The following MRI1 variants were observed in gnomAD, a reference collection of about 807,000 sequenced individuals.
MRI1 encodes methylthioribose-1-phosphate isomerase.
MRI1 carries 32 observed loss-of-function variants against 27.3 expected under a neutral mutation model. The observed-to-expected ratio is 1.17, with a 90% CI of 0.88 to 1.57. The LOEUF is 1.57. Ranked by LOEUF, MRI1 falls within the 40% of genes most tolerant of loss-of-function variation. The probability of loss-of-function intolerance (pLI) is 0.00; values close to 1 mark genes in which losing one functional copy is unlikely to be tolerated. For synonymous variants in MRI1, 216 were observed against 227.4 expected (o/e 0.95, Z 0.45); for missense variants, 508 against 516.1 (o/e 0.98, Z 0.15).
chr19:13,768,209 AC>A, intron 3 of MRI1: 1 of 664,906 alleles, frequency 1.5e-6, no homozygotes, highest in Non-Finnish European at 2.7e-6. Context: ...TGGATGGAGA[AC>A]CCATAGAAAA....
In MRI1 at chr19:13,765,005, C is replaced by T; in HGVS notation, c.267C>T (p.Ala89=). The T allele has an allele frequency of 6.6e-7, 1 of 1,523,792 alleles. No individual in the cohort carries two copies. The highest frequency in any genetic ancestry group is 8.8e-7 in the Non-Finnish European group (1 of 1,141,164). The allele number at this position is 1,523,792 out of a possible 1,614,324, so 94.4% of individuals were successfully genotyped here. Residue 89 remains alanine (A), a synonymous_variant, in exon 2 of 6, where the codon GCC becomes GCT. Coordinates refer to ENST00000040663, the MANE Select transcript of MRI1 (RefSeq NM_001031727.4). ...ACAAGCTGAGCTTCCTCGTCACCGC[C>T]CGGCCCACCGCTGTCAACATGGCCC... The part of the protein sequence containing the change: ...VRDKLSFLVT[A]RPTAVNMARA...
At chr19:13,767,929 C>T (rs183597672) in intron 3 of MRI1, among the ~76,000 whole-genome samples, 3 of 132,442 alleles carry the variant, frequency 2.3e-5, no homozygotes, top group Admixed American at 9.3e-5. Context: ...AGTGCAGTGG[C>T]GCAGTCTCGG....
At chr19:13,771,319 ATCATGTCACTGCAC>A (rs201137996) in intron 5 of MRI1, among the ~76,000 whole-genome samples, 1,922 of 151,910 alleles carry the variant, frequency 0.013, 24 homozygotes, top group Middle Eastern at 0.051. Context: ...GTGAGTTGAG[ATCATGTCACTGCAC>A]TCCAGCCTAG....
intron 3 of MRI1, among the ~76,000 whole-genome samples, chr19:13,766,415 C>T (rs1197029989): frequency 1.3e-5 from 2 of 152,114 alleles, no homozygotes; most frequent in Non-Finnish European, 2.9e-5. Flanking sequence ...GGAAAAGAGC[C>T]TCCTATACTA....
chr19:13,765,917 C>G lies in MRI1; in HGVS notation c.372-37C>G, dbSNP rs1474788485. The G allele has an allele frequency of 2.6e-6, 4 of 1,552,804 alleles. No individual in the cohort carries two copies. In the Admixed American group the frequency reaches 5.7e-5, roughly 22 times the overall value. On this transcript the variant is annotated intron_variant, in intron 2 of 5. Coordinates refer to ENST00000040663, the MANE Select transcript of MRI1 (RefSeq NM_001031727.4). ...GGAGGCGTTGGCCTGGGCCCCGGGT[C>G]CTGGTGGCTGGTGCTGAAAACTCCT...
chr19:13,772,385 T>C lies in MRI1; in HGVS notation c.*104T>C. On this transcript the variant is annotated 3_prime_UTR_variant, in exon 6 of 6. Transcript: ENST00000040663. ...AGCCCCTGACCACACTTGTTCCTAG[T>C]GCAGGGAGCTCAGACAGGGCCTTCC... 1 of 1,157,914 alleles carries C rather than the reference T, an allele frequency of 8.6e-7. No individual in the cohort carries two copies. The highest frequency in any genetic ancestry group is 2.7e-5 in the Admixed American group (1 of 37,072). The allele number at this position is 1,157,914 out of a possible 1,614,324, so 71.7% of individuals were successfully genotyped here. A position where few individuals can be genotyped will look rare whatever the true frequency, so the allele number is the denominator to read the frequency against.
chr19:13,770,622 G>A (rs1451846351), intron 5 of MRI1, among the ~76,000 whole-genome samples: 2 of 151,934 alleles, frequency 1.3e-5, no homozygotes, highest in Admixed American at 1.3e-4. Context: ...TGTGGCTCAC[G>A]CCTGTAATCC....
chr19:13,768,686 C>G lies in MRI1; in HGVS notation c.673C>G (p.Leu225Val), dbSNP rs1191403804. 3 of 1,614,016 alleles carry G rather than the reference C, an allele frequency of 1.9e-6. No individual in the cohort carries two copies. The highest frequency in any genetic ancestry group is 3.3e-4 in the Middle Eastern group (2 of 6,062). Residue 225 changes from leucine (L) to valine (V), a missense_variant, in exon 4 of 6, where the codon CTT becomes GTT. Physicochemically the swap from Leu to Val is conservative, Grantham distance 32 (BLOSUM62 1). Transcript: ENST00000040663. The stretch of plus-strand genomic sequence containing the variant: ...GGTCTATGAGCAGATCCCCGCCACC[C>G]TTATCACCGACAGCATGGTGGCTGC... ...ELVYEQIPATLITDSMVAAAM... is the reference protein window; with the variant it reads ...ELVYEQIPATVITDSMVAAAM...
chr19:13,773,294 C>T lies in MRI1; in HGVS notation c.*1013C>T. On this transcript the variant is annotated 3_prime_UTR_variant, in exon 6 of 6. Coordinates refer to ENST00000040663, the MANE Select transcript of MRI1 (RefSeq NM_001031727.4). ...AAGTGCTGGGACTACAGGCATGAGC[C>T]ACTGTGCCTGACCTTACAGCAGTAT... 6.6e-6 allele frequency: 1 copy of T among 152,070 alleles called. No individual in the cohort carries two copies. The highest frequency in any genetic ancestry group is 1.9e-4 in the East Asian group (1 of 5,164). The allele number at this position is 152,070 out of a possible 1,614,324, so 9.4% of individuals were successfully genotyped here.
In MRI1 at chr19:13,764,619, G is replaced by A. The variant is rs760434055; in HGVS notation, c.31G>A (p.Gly11Ser). Reference sequence around the variant, plus strand: ...CCTGGAGGCGATCCGCTACTCGCGGGGCTCCCTGCAGATCCTAGACCAGCT... The same window carrying A: ...CCTGGAGGCGATCCGCTACTCGCGGAGCTCCCTGCAGATCCTAGACCAGCT... MTLEAIRYSR[G>S]SLQILDQLLL... Residue 11 changes from glycine to serine, a missense_variant, in exon 1 of 6, where the codon GGC becomes AGC. Around this residue, in one of 3 missense-constraint regions of MRI1, gnomAD observed 32 missense variants for 20.2 expected, o/e 1.58. Transcript: ENST00000040663. 10 of 1,609,714 alleles carry A rather than the reference G, an allele frequency of 6.2e-6. No homozygotes were observed. Among genetic ancestry groups the A allele is most frequent in the Non-Finnish European group, 5.9e-6 (7 of 1,179,398 alleles).
chr19:13,764,909 C>T lies in MRI1; in HGVS notation c.171C>T (p.Leu57=), dbSNP rs1051372658. Residue 57 remains leucine, a synonymous_variant, in exon 2 of 6, where the codon CTC becomes CTT. Coordinates refer to ENST00000040663, the MANE Select transcript of MRI1 (RefSeq NM_001031727.4). The part of the protein sequence containing the change: ...GAPAIALVGC[L]SLAVELQAGA... ...CGGCCATAGCCCTGGTGGGCTGTCT[C>T]AGCCTCGCCGTGGAGCTGCAGGCGG... is the stretch of plus-strand genomic sequence containing the variant. 4 of 1,477,012 alleles carry T rather than the reference C, an allele frequency of 2.7e-6. No individual in the cohort carries two copies. The highest frequency in any genetic ancestry group is 2.9e-5 in the African/African-American group (2 of 68,604). 91.5% of individuals were successfully genotyped at this position (1,477,012 alleles called of 1,614,324 possible). A position where few individuals can be genotyped will look rare whatever the true frequency, so the allele number is the denominator to read the frequency against.
chr19:13,764,738 G>T lies in MRI1; in HGVS notation c.132+18G>T. Reference sequence around the variant, plus strand: ...CCATGAAGGTGCAGCGGGGCGGCGGGGCGGCGGGGCGGCGGGGCGGCGGGG... The same window carrying T: ...CCATGAAGGTGCAGCGGGGCGGCGGTGCGGCGGGGCGGCGGGGCGGCGGGG... On this transcript the variant is annotated intron_variant, in intron 1 of 5. Transcript: ENST00000040663. 1 of 3,734 alleles carries T rather than the reference G, an allele frequency of 2.7e-4. No individual in the cohort carries two copies. Among genetic ancestry groups the T allele is most frequent in the Non-Finnish European group, 4.9e-4 (1 of 2,030 alleles). The allele number at this position is 3,734 out of a possible 1,614,324, so 0.2% of individuals were successfully genotyped here.
At chr19:13,766,253 C>A in intron 3 of MRI1, 124 bp downstream of exon 3, 1 of 884,412 alleles carries the variant, frequency 1.1e-6, no homozygotes, top group Non-Finnish European at 1.6e-6. Flanking sequence ...AGTTCTAGTA[C>A]GGAAACACTT....
At chr19:13,769,186 T>A in intron 5 of MRI1, 138 bp downstream of exon 5, 1 of 744,556 alleles carries the variant, frequency 1.3e-6, no homozygotes, top group Non-Finnish European at 2.1e-6. Flanking sequence ...TTTTTTGAGA[T>A]GGAGTCTTGC....
rs1246393862 is a variant in MRI1 at position 13,765,118 on chromosome 19, A to G, written c.371+9A>G. ...GAGGCGGTCCGGGAGAGGTACGGGG[A>G]TCTGGTACCAGGCACGGCGCTGAGC... is the stretch of plus-strand genomic sequence containing the variant. On this transcript the variant is annotated intron_variant, in intron 2 of 5. Transcript: ENST00000040663. The G allele has an allele frequency of 5.9e-6, 9 of 1,514,118 alleles. No homozygotes were observed. The highest frequency in any genetic ancestry group is 7.1e-6 in the Non-Finnish European group (8 of 1,132,296). 93.8% of individuals were successfully genotyped at this position (1,514,118 alleles called of 1,614,324 possible).
At position 13,768,938 on chromosome 19, in the gene MRI1, C is replaced by T. The variant is rs971065203; in HGVS notation, c.839C>T (p.Ala280Val). The T allele has an allele frequency of 3.1e-6, 5 of 1,614,014 alleles. No individual in the cohort carries two copies. The highest frequency in any genetic ancestry group is 2.7e-5 in the African/African-American group (2 of 74,940). Residue 280 changes from alanine (A) to valine (V), a missense_variant, in exon 5 of 6, where the codon GCC becomes GTC. This residue lies in a region of MRI1 where 457 missense variants were observed against 452.8 expected (regional missense o/e 1.01). Transcript: ENST00000040663. ...KHHGIPFYVA[A>V]PSSSCDLRLE... Reference sequence around the variant, plus strand: ...CATGGCATTCCCTTCTACGTGGCTGCCCCCAGCTCTTCATGTGACCTCCGT... The same window carrying T: ...CATGGCATTCCCTTCTACGTGGCTGTCCCCAGCTCTTCATGTGACCTCCGT...
chr19:13,771,399 T>C (rs1218796353), intron 5 of MRI1, among the ~76,000 whole-genome samples: 1 of 151,526 alleles, frequency 6.6e-6, no homozygotes, highest in Non-Finnish European at 1.5e-5. Flanking sequence ...GACATGATGG[T>C]GCACATCTGT....
chr19:13,768,029 C>T (rs944923563), intron 3 of MRI1, among the ~76,000 whole-genome samples: 7 of 151,920 alleles, frequency 4.6e-5, no homozygotes, highest in South Asian at 2.1e-4. Context: ...CCACCACGCC[C>T]GGCTAATTTT....
At chr19:13,768,179 A>G (rs1325671993) in intron 3 of MRI1, among the ~76,000 whole-genome samples, 1 of 152,006 alleles carries the variant, frequency 6.6e-6, no homozygotes, top group Admixed American at 6.6e-5. Flanking sequence ...AAATATTTTC[A>G]ATCCACATGG....
Sources: allele counts gnomAD v4.1 joint callset (sites outside exome capture counted in the v4.1 genomes callset), GRCh38; gene constraint gnomAD v4.1.1; regional missense constraint gnomAD v4.1.1; transcripts MANE v1.5; gene names NCBI Gene and HGNC (gene_info 2026-07-23, HGNC 2026-07-21).